The following GPAT4 variants were observed in gnomAD, a reference collection of about 807,000 sequenced individuals.
The protein encoded by GPAT4 is glycerol-3-phosphate acyltransferase 4, also known as 1-AGP acyltransferase 6.
GPAT4 carries 17 observed loss-of-function variants against 58.0 expected under a neutral mutation model. The ratio of observed to expected loss-of-function variants is 0.29; its 90% CI spans 0.20 to 0.44. The LOEUF is 0.44. Among genes scored for constraint, GPAT4 ranks in the 20% least tolerant of loss-of-function variants. GPAT4 has a pLI of 1.00. For missense variants in GPAT4, 377 were observed against 574.5 expected (o/e 0.66, Z 3.51); for synonymous variants, 204 against 210.1 (o/e 0.97, Z 0.25).
At chr8:41,600,036 C>CTTTTCTTTT (rs1554502474) in intron 2 of GPAT4, among the ~76,000 whole-genome samples, 5 of 100,332 alleles carry the variant, frequency 5.0e-5, no homozygotes, top group African/African-American at 8.0e-5. Context: ...TTTTTCTTTT[C>CTTTTCTTTT]TTTTTTTTTT....
At chr8:41,617,577 A>G (rs988394861) in intron 10 of GPAT4, among the ~76,000 whole-genome samples, 1 of 152,164 alleles carries the variant, frequency 6.6e-6, no homozygotes, top group Admixed American at 6.5e-5. Flanking sequence ...TCTTGTCAAA[A>G]TTGTCCAGTA....
At chr8:41,595,138 T>C (rs1285533161) in intron 1 of GPAT4, among the ~76,000 whole-genome samples, 2 of 150,808 alleles carry the variant, frequency 1.3e-5, no homozygotes, top group Admixed American at 1.3e-4. Context: ...TAGTCCAAAT[T>C]AACTTAGAAT....
At chr8:41,591,709 G>C (rs1802793745) in intron 1 of GPAT4, among the ~76,000 whole-genome samples, 1 of 152,168 alleles carries the variant, frequency 6.6e-6, no homozygotes. Context: ...TCCAAACATG[G>C]CCCCAGGATC....
chr8:41,582,444 TACACACACACAC>T (rs71548104), intron 1 of GPAT4, among the ~76,000 whole-genome samples: 3 of 141,614 alleles, frequency 2.1e-5, no homozygotes, highest in African/African-American at 5.2e-5. Context: ...TGGGAAAGTA[TACACACACACAC>T]ACACACACAC....
At chr8:41,580,184 C>T (rs780113971) in intron 1 of GPAT4, among the ~76,000 whole-genome samples, 3 of 152,166 alleles carry the variant, frequency 2.0e-5, no homozygotes, top group African/African-American at 7.2e-5. Context: ...TTGGGGCAGA[C>T]GAGAAGTTCT....
intron 1 of GPAT4, among the ~76,000 whole-genome samples, chr8:41,592,351 G>A (rs1026106841): frequency 2.6e-5 from 4 of 152,142 alleles, no homozygotes; most frequent in African/African-American, 9.7e-5. Flanking sequence ...TTACTAAATG[G>A]ATTCCTTTCT....
chr8:41,616,286 G>T (rs934151523), intron 10 of GPAT4, among the ~76,000 whole-genome samples: 1 of 152,168 alleles, frequency 6.6e-6, no homozygotes, highest in Non-Finnish European at 1.5e-5. Flanking sequence ...CACACCCAGG[G>T]TTTCTGAACT....
chr8:41,609,400 T>G lies in GPAT4; in HGVS notation c.166-16T>G. 13 of 1,613,534 alleles carry G rather than the reference T, an allele frequency of 8.1e-6. No individual in the cohort carries two copies. Among genetic ancestry groups the G allele is most frequent in the Non-Finnish European group, 1.1e-5 (13 of 1,179,490 alleles). On this transcript the variant is annotated splice_polypyrimidine_tract_variant and intron_variant, in intron 2 of 12. Coordinates refer to ENST00000396987, the MANE Select transcript of GPAT4 (RefSeq NM_178819.4). The stretch of plus-strand genomic sequence containing the variant: ...TCTCATTCTTGCTCTTGTATCTTGC[T>G]TCCTTCCCCTCCCAGTGGGCTACCT...
chr8:41,601,653 T>C (rs1008322407), intron 2 of GPAT4, among the ~76,000 whole-genome samples: 2 of 152,194 alleles, frequency 1.3e-5, no homozygotes, highest in Non-Finnish European at 2.9e-5. Flanking sequence ...AGAGTTCTCT[T>C]GTAGTAGTTA....
intron 1 of GPAT4, among the ~76,000 whole-genome samples, chr8:41,597,633 A>G (rs1469305326): frequency 6.6e-6 from 1 of 152,216 alleles, no homozygotes; most frequent in Non-Finnish European, 1.5e-5. Context: ...ATTCGTTACA[A>G]CATTATACAA....
intron 1 of GPAT4, among the ~76,000 whole-genome samples, chr8:41,580,354 T>C (rs1194532231): frequency 2.6e-5 from 4 of 152,208 alleles, no homozygotes; most frequent in Non-Finnish European, 5.9e-5. Flanking sequence ...TACTCTTCTT[T>C]TTCTGAGAGA....
At chr8:41,601,229 G>A (rs1803085346) in intron 2 of GPAT4, among the ~76,000 whole-genome samples, 1 of 151,994 alleles carries the variant, frequency 6.6e-6, no homozygotes, top group Non-Finnish European at 1.5e-5. Context: ...CCAAGCAGCT[G>A]GTTAGAAATG....
chr8:41,620,181 G>A (rs1225808007), intron 12 of GPAT4, among the ~76,000 whole-genome samples: 4 of 152,182 alleles, frequency 2.6e-5, no homozygotes, highest in South Asian at 2.1e-4. Context: ...GACTGAAAGC[G>A]GGCTTGGATT....
chr8:41,579,565 T>C (rs1802455439), intron 1 of GPAT4, among the ~76,000 whole-genome samples: 1 of 150,642 alleles, frequency 6.6e-6, no homozygotes, highest in South Asian at 2.1e-4. Context: ...TGGCCGGGCG[T>C]GGTGACTCAC....
chr8:41,599,389 CTCTT>C, intron 2 of GPAT4, 85 bp downstream of exon 2: 1 of 1,480,260 alleles, frequency 6.8e-7, no homozygotes, highest in Non-Finnish European at 9.2e-7. Flanking sequence ...GGCCTATTAT[CTCTT>C]TATTAGATAG....
Position 41,618,968 on chromosome 8 carries a change from A to G in GPAT4, c.1253A>G (p.Asp418Gly), listed in dbSNP as rs1312511288. 1 of 1,614,206 alleles carries G rather than the reference A, an allele frequency of 6.2e-7. No individual in the cohort carries two copies. The highest frequency in any genetic ancestry group is 8.5e-7 in the Non-Finnish European group (1 of 1,180,030). Reference protein sequence around the residue: ...SAIARQGGLVDLLWDGGLKRE... With the variant: ...SAIARQGGLVGLLWDGGLKRE... ...ATTGCCAGGCAGGGAGGACTTGTGG[A>G]CCTGCTGTGGTAAGTTTAGAGCCAG... The change falls in exon 12 of 13, where the codon GAC (aspartate) becomes GGC (glycine). Residue 418 changes from aspartate to glycine, a missense_variant. Transcript: ENST00000396987.
intron 10 of GPAT4, 54 bp from the exon 11 acceptor site, chr8:41,618,630 G>T (rs547078300): frequency 1.2e-6 from 2 of 1,604,898 alleles, no homozygotes; most frequent in South Asian, 1.1e-5. Flanking sequence ...CTGTGGACTC[G>T]CAAACGTTGT....
chr8:41,582,048 G>T (rs573084863), intron 1 of GPAT4, among the ~76,000 whole-genome samples: 1 of 115,930 alleles, frequency 8.6e-6, no homozygotes, highest in East Asian at 2.7e-4. Context: ...TTCCTCTGTC[G>T]CCCAGGCCTG....
chr8:41,608,769 G>A (rs1025735300), intron 2 of GPAT4, among the ~76,000 whole-genome samples: 1 of 152,066 alleles, frequency 6.6e-6, no homozygotes, highest in Non-Finnish European at 1.5e-5. Flanking sequence ...CTTGGAATGG[G>A]TTGCTTAATG....
Sources: gnomAD v4.1 joint callset for allele counts (sites outside exome capture counted in the v4.1 genomes callset) on GRCh38, gnomAD v4.1.1 for gene constraint, MANE v1.5 for transcripts, NCBI Gene and HGNC (gene_info 2026-07-23, HGNC 2026-07-21) for gene names.